The following GPC6 variants were observed in gnomAD, a reference collection of about 807,000 sequenced individuals.
GPC6 encodes the protein glypican 6.
A neutral mutation model predicts 55.2 loss-of-function variants in GPC6; 14 were observed. The observed-to-expected ratio is 0.25, with a 90% CI of 0.17 to 0.40. The LOEUF is 0.40. Among genes scored for constraint, GPC6 ranks in the 10% least tolerant of loss-of-function variants. GPC6 has a pLI of 1.00. For missense variants in GPC6, 641 were observed against 708.5 expected, an observed-to-expected ratio of 0.90 and a Z score of 1.08; for synonymous variants, 278 against 259.6, an observed-to-expected ratio of 1.07 and a Z score of -0.68.
intron 2 of GPC6, among the ~76,000 whole-genome samples, chr13:93,622,726 A>G (rs945986587): frequency 2.0e-4 from 31 of 152,204 alleles, no homozygotes; most frequent in Non-Finnish European, 3.2e-4. Flanking sequence ...TAATTACATT[A>G]TTACCTCAAA....
chr13:93,530,086 TAGC>T (rs997629516), intron 1 of GPC6, among the ~76,000 whole-genome samples: 1 of 152,168 alleles, frequency 6.6e-6, no homozygotes, highest in African/African-American at 2.4e-5. Flanking sequence ...TGGGGTGTAA[TAGC>T]AGTGGTATGA....
chr13:94,110,447 T>A (rs148856025), intron 4 of GPC6, among the ~76,000 whole-genome samples: 1 of 152,040 alleles, frequency 6.6e-6, no homozygotes, highest in Non-Finnish European at 1.5e-5. Context: ...CTGTGTGAGG[T>A]TGAAAATGGG....
At chr13:93,329,142 G>A (rs1879754625) in intron 1 of GPC6, among the ~76,000 whole-genome samples, 1 of 152,144 alleles carries the variant, frequency 6.6e-6, no homozygotes, top group African/African-American at 2.4e-5. Context: ...AATAGCTATT[G>A]AAGAGTTTGT....
intron 1 of GPC6, among the ~76,000 whole-genome samples, chr13:93,351,233 T>C (rs1230198345): frequency 1.3e-5 from 2 of 152,182 alleles, no homozygotes; most frequent in African/African-American, 2.4e-5. Flanking sequence ...CTGTTTATAA[T>C]AGTAGTTGCA....
intron 3 of GPC6, among the ~76,000 whole-genome samples, chr13:93,861,407 TAAAA>T (rs34697552): frequency 7.0e-6 from 1 of 142,228 alleles, no homozygotes. Flanking sequence ...GTTGTATATG[TAAAA>T]AAAAAAAAAA....
At chr13:94,222,726 A>C (rs567762112) in intron 4 of GPC6, among the ~76,000 whole-genome samples, 1 of 152,264 alleles carries the variant, frequency 6.6e-6, no homozygotes, top group Admixed American at 6.5e-5. Context: ...TAACAGAGAA[A>C]GTTTTCAAAT....
chr13:94,105,816 A>T (rs1404823852), intron 4 of GPC6, among the ~76,000 whole-genome samples: 1 of 152,212 alleles, frequency 6.6e-6, no homozygotes, highest in Admixed American at 6.5e-5. Context: ...CCCTAGGAAC[A>T]TTCAGCAATG....
chr13:93,889,299 A>C (rs1013804932), intron 3 of GPC6, among the ~76,000 whole-genome samples: 2 of 152,094 alleles, frequency 1.3e-5, no homozygotes, highest in Admixed American at 6.6e-5. Flanking sequence ...AGGTATATAT[A>C]GTTTTTTTCC....
chr13:93,394,582 A>G (rs903933529), intron 1 of GPC6, among the ~76,000 whole-genome samples: 7 of 152,292 alleles, frequency 4.6e-5, no homozygotes, highest in African/African-American at 1.7e-4. Flanking sequence ...AATGAAACAT[A>G]TTTTCAAGTT....
At chr13:94,349,697 T>G (rs1343967877) in intron 6 of GPC6, among the ~76,000 whole-genome samples, 1 of 152,194 alleles carries the variant, frequency 6.6e-6, no homozygotes, top group East Asian at 1.9e-4. Context: ...ATTCTCCAAC[T>G]GTCAAAATGC....
intron 2 of GPC6, among the ~76,000 whole-genome samples, chr13:93,804,139 A>T (rs571310811): frequency 7.3e-4 from 111 of 152,208 alleles, no homozygotes; most frequent in Middle Eastern, 3.4e-3. Flanking sequence ...ATTGATTGAT[A>T]GATAGATATA....
At chr13:93,551,404 G>A (rs1012169363) in intron 2 of GPC6, among the ~76,000 whole-genome samples, 1 of 151,946 alleles carries the variant, frequency 6.6e-6, no homozygotes, top group Non-Finnish European at 1.5e-5. Flanking sequence ...GTTCTAAGAT[G>A]TGCTCATGCA....
At chr13:93,979,542 G>T (rs1033751592) in intron 3 of GPC6, among the ~76,000 whole-genome samples, 2 of 151,804 alleles carry the variant, frequency 1.3e-5, no homozygotes, top group African/African-American at 2.4e-5. Context: ...GGAATTGTTT[G>T]TTACTAGTCC....
chr13:93,901,635 G>A lies in GPC6; in HGVS notation c.711+71090G>A, dbSNP rs538636468. On this transcript the variant is annotated intron_variant, in intron 3 of 8. Coordinates refer to ENST00000377047, the MANE Select transcript of GPC6 (RefSeq NM_005708.5). ...AAGATTTTAAAGGCTGGGCACGGTG[G>A]TTCACGCCTGTAATCCCAGCACTTT... Among the ~76,000 whole-genome samples, 394 of 152,160 alleles carry A rather than the reference G, an allele frequency of 2.6e-3. 2 individuals are homozygous for A. Among genetic ancestry groups the A allele is most frequent in the Non-Finnish European group, 4.3e-3 (293 of 67,994 alleles).
At chr13:93,508,798 A>G (rs1007802212) in intron 1 of GPC6, among the ~76,000 whole-genome samples, 1 of 152,138 alleles carries the variant, frequency 6.6e-6, no homozygotes, top group African/African-American at 2.4e-5. Context: ...GAGGGAAGAC[A>G]TTGCAGGTAG....
intron 1 of GPC6, among the ~76,000 whole-genome samples, chr13:93,501,460 G>A (rs1039105856): frequency 3.9e-5 from 6 of 152,072 alleles, no homozygotes; most frequent in Admixed American, 2.6e-4. Flanking sequence ...AATTTTCTAT[G>A]AAATCTTCCC....
chr13:93,808,501 A>G (rs1287940314), intron 2 of GPC6, among the ~76,000 whole-genome samples: 2 of 152,228 alleles, frequency 1.3e-5, no homozygotes, highest in Non-Finnish European at 2.9e-5. Context: ...TGTCTTCCAA[A>G]TAATCTGTTG....
chr13:94,111,671 G>A (rs1170607000), intron 4 of GPC6, among the ~76,000 whole-genome samples: 2 of 151,750 alleles, frequency 1.3e-5, no homozygotes, highest in Non-Finnish European at 2.9e-5. Context: ...CCATAATATA[G>A]AATCATTATA....
intron 1 of GPC6, among the ~76,000 whole-genome samples, chr13:93,326,903 G>T (rs1879677882): frequency 6.6e-6 from 1 of 152,094 alleles, no homozygotes; most frequent in South Asian, 2.1e-4. Context: ...TGTCATTTGT[G>T]GAATAAATAT....
Sources: allele counts gnomAD v4.1 joint callset (sites outside exome capture counted in the v4.1 genomes callset), GRCh38; gene constraint gnomAD v4.1.1; transcripts MANE v1.5; gene names NCBI Gene and HGNC (gene_info 2026-07-23, HGNC 2026-07-21).